Variants in SLC41A2 observed in about 807,000 individuals in gnomAD.
The protein encoded by SLC41A2 is SLC41A1-like 1.
SLC41A2 carries 32 observed loss-of-function variants against 58.3 expected under a neutral mutation model. That is an observed-to-expected ratio of 0.55 (90% CI 0.41 to 0.74). The LOEUF (loss-of-function observed/expected upper bound fraction) is 0.74. Ranked by LOEUF, SLC41A2 falls within the 30% of genes least tolerant of loss-of-function variation. The probability of loss-of-function intolerance (pLI) is 0.00; values close to 1 mark genes in which losing one functional copy is unlikely to be tolerated. For synonymous variants in SLC41A2, 190 were observed against 235.0 expected, an observed-to-expected ratio of 0.81 and a Z score of 1.75; for missense variants, 514 against 680.6, an observed-to-expected ratio of 0.76 and a Z score of 2.72.
At chr12:104,887,924 C>T (rs2044754373) in intron 5 of SLC41A2, among the ~76,000 whole-genome samples, 1 of 151,956 alleles carries the variant, frequency 6.6e-6, no homozygotes, top group African/African-American at 2.4e-5. Flanking sequence ...TATTCAAAGT[C>T]AGAAGCTTTA....
At chr12:104,881,263 C>A (rs2044354815) in intron 6 of SLC41A2, among the ~76,000 whole-genome samples, 1 of 152,102 alleles carries the variant, frequency 6.6e-6, no homozygotes, top group African/African-American at 2.4e-5. Context: ...TTTCAAAAAA[C>A]CAGCTCCTGG....
At chr12:104,873,384 A>G (rs2043883602) in intron 6 of SLC41A2, among the ~76,000 whole-genome samples, 1 of 152,164 alleles carries the variant, frequency 6.6e-6, no homozygotes, top group South Asian at 2.1e-4. Flanking sequence ...AGACCGAACA[A>G]TATTACATTG....
chr12:104,811,551 A>T (rs1172695662), intron 10 of SLC41A2, among the ~76,000 whole-genome samples: 2 of 152,222 alleles, frequency 1.3e-5, no homozygotes, highest in Non-Finnish European at 2.9e-5. Context: ...AAATGAGCAC[A>T]AGAAGGGATA....
chr12:104,859,575 G>A (rs533850170), intron 8 of SLC41A2, among the ~76,000 whole-genome samples: 6 of 152,206 alleles, frequency 3.9e-5, no homozygotes, highest in African/African-American at 1.2e-4. Flanking sequence ...TGGGTGACGG[G>A]GAGAATGGTG....
rs145405731 is a variant in SLC41A2 at position 104,926,606 on chromosome 12, A to G, written c.555+1367T>C. Among the ~76,000 whole-genome samples, 32 of 152,226 alleles carry G rather than the reference A, an allele frequency of 2.1e-4. No individual in the cohort carries two copies. In the East Asian group the frequency reaches 6.0e-3, roughly 28 times the overall value. ...GCGCCTTAAAAAAAATAAAAAAAAA[A>G]AGAGAATACCTACAAATCAATAAGT... On this transcript the variant is annotated intron_variant, in intron 2 of 10. Coordinates refer to ENST00000258538, the MANE Select transcript of SLC41A2 (RefSeq NM_001352171.3).
chr12:104,895,882 T>G (rs76595406), intron 3 of SLC41A2, among the ~76,000 whole-genome samples: 2,259 of 152,248 alleles, frequency 0.015, 68 homozygotes, highest in African/African-American at 0.051. Context: ...CTATTAAATT[T>G]TACACATCTT....
intron 2 of SLC41A2, among the ~76,000 whole-genome samples, chr12:104,918,597 ATTCAT>A (rs2046436790): frequency 6.9e-6 from 1 of 144,244 alleles, no homozygotes; most frequent in South Asian, 2.1e-4. Context: ...ATGCAAATAC[ATTCAT>A]TTCATGTCTG....
chr12:104,835,379 C>T (rs920375979), intron 10 of SLC41A2, among the ~76,000 whole-genome samples: 1 of 152,170 alleles, frequency 6.6e-6, no homozygotes, highest in Non-Finnish European at 1.5e-5. Flanking sequence ...CTTTAAGCTC[C>T]TTGATGATCT....
intron 2 of SLC41A2, among the ~76,000 whole-genome samples, chr12:104,924,808 A>G (rs779152150): frequency 2.6e-4 from 39 of 152,196 alleles, no homozygotes; most frequent in Non-Finnish European, 4.4e-4. Flanking sequence ...GAATAGATAA[A>G]TTGTGGTACA....
chr12:104,852,481 T>A (rs1378638863), intron 8 of SLC41A2, among the ~76,000 whole-genome samples: 1 of 152,200 alleles, frequency 6.6e-6, no homozygotes, highest in Non-Finnish European at 1.5e-5. Context: ...ACCCACAAAT[T>A]TGTTGGTAAA....
chr12:104,909,728 A>G lies in SLC41A2; in HGVS notation c.590T>C (p.Phe197Ser), dbSNP rs1486907853. 6.2e-7 allele frequency: 1 copy of G among 1,609,972 alleles called. No individual in the cohort carries two copies. The highest frequency in any genetic ancestry group is 8.5e-7 in the Non-Finnish European group (1 of 1,178,836). The change falls in exon 3 of 11, where the codon TTC (phenylalanine) becomes TCC (serine). Residue 197 changes from phenylalanine to serine, a missense_variant. Transcript: ENST00000258538. ...ACCAAGAAGTGCAGGGACTAAAATG[A>G]AAACTTCTGTAACTTTTCTGAACAC... ...WEVFRKVTEV[F>S]ILVPALLGLK... is the part of the protein sequence containing the mutation.
rs369842725 is a variant in SLC41A2 at position 104,905,169 on chromosome 12, G to A, written c.663+4486C>T. Among the ~76,000 whole-genome samples the A allele has an allele frequency of 8.9e-3, 1,358 of 152,138 alleles. 38 individuals carry two copies. In the East Asian group the frequency reaches 0.12, roughly 13 times the overall value. The stretch of plus-strand genomic sequence containing the variant: ...CCAGAGCAGCTAGATACAGAGTGTC[G>A]ATTGGTGCACTCACAAACCTTGAGC... On this transcript the variant is annotated intron_variant, in intron 3 of 10. Transcript: ENST00000258538.
chr12:104,864,164 A>G (rs1190650983), intron 7 of SLC41A2, among the ~76,000 whole-genome samples: 2 of 152,132 alleles, frequency 1.3e-5, no homozygotes, highest in African/African-American at 2.4e-5. Context: ...AGCAATCTAC[A>G]TTACAGAAAA....
At chr12:104,860,032 C>T (rs112019200) in intron 8 of SLC41A2, among the ~76,000 whole-genome samples, 1,619 of 152,192 alleles carry the variant, frequency 0.011, 8 homozygotes, top group Middle Eastern at 0.027. Context: ...GATGAGCCAC[C>T]GTGCCCAACT....
At chr12:104,923,583 A>G (rs1318265837) in intron 2 of SLC41A2, among the ~76,000 whole-genome samples, 1 of 152,126 alleles carries the variant, frequency 6.6e-6, no homozygotes, top group Admixed American at 6.5e-5. Context: ...TAGCTAGACT[A>G]TGAAAAAAAG....
At chr12:104,839,311 C>T (rs190612707) in intron 10 of SLC41A2, among the ~76,000 whole-genome samples, 2 of 152,050 alleles carry the variant, frequency 1.3e-5, no homozygotes, top group Admixed American at 1.3e-4. Context: ...TATTTATATA[C>T]TCCATATATA....
At chr12:104,883,552 A>G (rs1428445919) in intron 6 of SLC41A2, among the ~76,000 whole-genome samples, 1 of 152,092 alleles carries the variant, frequency 6.6e-6, no homozygotes, top group African/African-American at 2.4e-5. Context: ...TCTGTTTGTT[A>G]GTTTTCCTTC....
At chr12:104,877,709 A>T (rs1385194814) in intron 6 of SLC41A2, among the ~76,000 whole-genome samples, 4 of 152,160 alleles carry the variant, frequency 2.6e-5, no homozygotes, top group Non-Finnish European at 4.4e-5. Context: ...TAAAAAAATA[A>T]AATTTCAGGT....
chr12:104,878,941 T>C (rs1458627472), intron 6 of SLC41A2, among the ~76,000 whole-genome samples: 2 of 152,172 alleles, frequency 1.3e-5, no homozygotes, highest in African/African-American at 4.8e-5. Context: ...AGTGTAAAAG[T>C]GTTCCTATTT....
Sources: gnomAD v4.1 joint callset for allele counts (sites outside exome capture counted in the v4.1 genomes callset) on GRCh38, gnomAD v4.1.1 for gene constraint, MANE v1.5 for transcripts, NCBI Gene and HGNC (gene_info 2026-07-23, HGNC 2026-07-21) for gene names.